TMEM245: variants seen among roughly 807,000 people sequenced by gnomAD.
TMEM245 encodes protein CG-2.
In TMEM245, 69 loss-of-function variants were observed where a neutral mutation model predicts 101.2. The ratio of observed to expected loss-of-function variants is 0.68; its 90% CI spans 0.56 to 0.83. TMEM245 has a LOEUF of 0.83. TMEM245 is among the 40% of genes least tolerant of loss of function. The probability of loss-of-function intolerance (pLI) is 0.00; values close to 1 mark genes in which losing one functional copy is unlikely to be tolerated. For missense variants in TMEM245, 1,075 were observed against 1,092.8 expected (o/e 0.98, Z 0.23); for synonymous variants, 537 against 449.8 (o/e 1.19, Z -2.45).
At chr9:109,071,128 G>A (rs984994992) in intron 9 of TMEM245, among the ~76,000 whole-genome samples, 13 of 151,754 alleles carry the variant, frequency 8.6e-5, no homozygotes, top group African/African-American at 2.9e-4. Context: ...TGATCCTCCC[G>A]CCTCGGCCTC....
rs146545186 is a variant in TMEM245, at chr9:109,074,524, G to A, written c.1450-1086C>T. On this transcript the variant is annotated intron_variant, in intron 8 of 17. Transcript: ENST00000374586. The stretch of plus-strand genomic sequence containing the variant: ...TTCTGATGACAGAGGGAAAGAAAGT[G>A]TAATGAGGGAGAAAAGGATAAATCA... Among the ~76,000 whole-genome samples the A allele has an allele frequency of 8.5e-5, 13 of 152,292 alleles. No homozygotes were observed. In the East Asian group the frequency reaches 1.9e-3, roughly 23 times the overall value.
At chr9:109,119,227 C>A in intron 1 of TMEM245, 108 bp downstream of exon 1, 10 of 1,051,752 alleles carry the variant, frequency 9.5e-6, no homozygotes, top group Non-Finnish European at 1.3e-5. Flanking sequence ...CACTGCAGCA[C>A]AGGTGTGGCC....
intron 3 of TMEM245, among the ~76,000 whole-genome samples, chr9:109,094,465 T>C (rs541495665): frequency 3.3e-4 from 50 of 152,332 alleles, no homozygotes; most frequent in African/African-American, 1.1e-3. Flanking sequence ...GCCAGAGCTC[T>C]TGTATCAAAC....
At chr9:109,116,205 C>T (rs2132680828) in intron 1 of TMEM245, among the ~76,000 whole-genome samples, 1 of 152,328 alleles carries the variant, frequency 6.6e-6, no homozygotes, top group East Asian at 1.9e-4. Flanking sequence ...CAGCAGCAGG[C>T]TCATGGTTAA....
intron 1 of TMEM245, among the ~76,000 whole-genome samples, chr9:109,109,061 A>T (rs12343893): frequency 0.48 from 73,298 of 152,078 alleles, 17,918 homozygotes; most frequent in Admixed American, 0.55. Context: ...CTGTAAAAGT[A>T]AGAAAGCAGC....
At chr9:109,064,773 G>C (rs111227047) in intron 9 of TMEM245, among the ~76,000 whole-genome samples, 2,290 of 152,100 alleles carry the variant, frequency 0.015, 33 homozygotes, top group Middle Eastern at 0.031. Flanking sequence ...TCTTTCCTTA[G>C]CTTTTATTTA....
intron 8 of TMEM245, among the ~76,000 whole-genome samples, chr9:109,079,823 T>TG (rs1229257582): frequency 6.6e-6 from 1 of 152,092 alleles, no homozygotes; most frequent in African/African-American, 2.4e-5. Flanking sequence ...AATGTAAGAT[T>TG]GCACAGTAGC....
At chr9:109,052,154 TCTTC>T (rs1409808514) in intron 12 of TMEM245, among the ~76,000 whole-genome samples, 2 of 152,228 alleles carry the variant, frequency 1.3e-5, no homozygotes, top group African/African-American at 4.8e-5. Flanking sequence ...TCTGTTCTAT[TCTTC>T]CTAAGTGGAC....
intron 2 of TMEM245, among the ~76,000 whole-genome samples, chr9:109,107,847 G>T (rs929497245): frequency 6.6e-6 from 1 of 152,082 alleles, no homozygotes. Context: ...ACATAACAGG[G>T]AACCCATTAC....
Position 109,016,340 on chromosome 9 carries a change from A to G in TMEM245, c.*4120T>C, listed in dbSNP as rs1191117502. 1 of 152,208 alleles carries G rather than the reference A, an allele frequency of 6.6e-6. No homozygotes were observed. The highest frequency in any genetic ancestry group is 1.5e-5 in the Non-Finnish European group (1 of 68,046). The allele number at this position is 152,208 out of a possible 1,614,324, so 9.4% of individuals were successfully genotyped here. On this transcript the variant is annotated 3_prime_UTR_variant, in exon 18 of 18. Transcript: ENST00000374586. ...CTTACATCTATTAACATCTCTTGGAACTACTGCTATATGGAACACATTTTG... is the reference window on the plus strand; with the variant it reads ...CTTACATCTATTAACATCTCTTGGAGCTACTGCTATATGGAACACATTTTG...
chr9:109,076,388 G>C (rs1164720384), intron 8 of TMEM245, among the ~76,000 whole-genome samples: 3 of 143,400 alleles, frequency 2.1e-5, no homozygotes, highest in East Asian at 2.4e-4. Flanking sequence ...TGTGGGGTGG[G>C]GGGGAGGGGG....
At chr9:109,039,450 T>C (rs1338354046) in intron 14 of TMEM245, 1 of 151,952 alleles carries the variant, frequency 6.6e-6, no homozygotes, top group Non-Finnish European at 1.5e-5. Flanking sequence ...AATAGCAGTG[T>C]CTCAAAGTCA....
intron 9 of TMEM245, among the ~76,000 whole-genome samples, chr9:109,066,421 C>G (rs1829165066): frequency 7.2e-6 from 1 of 139,572 alleles, no homozygotes; most frequent in Non-Finnish European, 1.5e-5. Flanking sequence ...TACCACTACC[C>G]TCCAGCCTGG....
chr9:109,068,773 C>A (rs1829246262), intron 9 of TMEM245, among the ~76,000 whole-genome samples: 1 of 152,206 alleles, frequency 6.6e-6, no homozygotes, highest in Admixed American at 6.5e-5. Flanking sequence ...TCTCAAAAGG[C>A]TGCATGCTCC....
chr9:109,025,271 C>T (rs1564166476), intron 17 of TMEM245, among the ~76,000 whole-genome samples: 2 of 152,122 alleles, frequency 1.3e-5, no homozygotes, highest in Non-Finnish European at 2.9e-5. Context: ...GGGGTTTCAC[C>T]ATGTTGCTCA....
intron 14 of TMEM245, chr9:109,042,379 T>G (rs1275033901): frequency 6.7e-6 from 1 of 148,502 alleles, no homozygotes; most frequent in Admixed American, 6.7e-5. Context: ...TTTTTAGTAG[T>G]TTTTTTTTTA....
chr9:109,066,477 AAT>A lies in TMEM245; in HGVS notation c.1533-1912_1533-1911del, dbSNP rs1491108293. On this transcript the variant is annotated intron_variant, in intron 9 of 17. Transcript: ENST00000374586. ...CAAAAAAAAAAAAAAAAAAAAAAAA[AAT>A]TTCTCAGCAAGTAAGACAAAATTTC... Among the ~76,000 whole-genome samples the A allele has an allele frequency of 5.5e-4, 82 of 150,066 alleles. 2 individuals are homozygous for A. The South Asian group carries it at 0.016, about 30-fold the overall frequency.
At chr9:109,115,176 G>A (rs2680822) in intron 1 of TMEM245, among the ~76,000 whole-genome samples, 10,229 of 152,028 alleles carry the variant, frequency 0.067, 438 homozygotes, top group African/African-American at 0.1. Context: ...GTGAAACCCC[G>A]TCTCTATTAA....
chr9:109,031,020 G>C (rs1246017298), intron 17 of TMEM245, among the ~76,000 whole-genome samples: 1 of 152,220 alleles, frequency 6.6e-6, no homozygotes, highest in Non-Finnish European at 1.5e-5. Context: ...AGGAAAACTA[G>C]TGTTTTCCAA....
Sources: allele counts gnomAD v4.1 joint callset (sites outside exome capture counted in the v4.1 genomes callset), GRCh38; gene constraint gnomAD v4.1.1; transcripts MANE v1.5; gene names NCBI Gene and HGNC (gene_info 2026-07-23, HGNC 2026-07-21).